Variants in XKR7 observed in about 807,000 individuals in gnomAD.
XKR7 encodes XK-related protein 7.
A neutral mutation model predicts 42.2 loss-of-function variants in XKR7; 11 were observed. That is an observed-to-expected ratio of 0.26 (90% CI 0.16 to 0.43). XKR7 has a LOEUF of 0.43. Ranked by LOEUF, XKR7 falls within the 20% of genes least tolerant of loss-of-function variation. The pLI is 1.00. For synonymous variants in XKR7, 346 were observed against 366.4 expected, an observed-to-expected ratio of 0.94 and a Z score of 0.64; for missense variants, 710 against 802.2, an observed-to-expected ratio of 0.89 and a Z score of 1.39.
At chr20:31,991,091 G>A (rs1423348584) in intron 1 of XKR7, among the ~76,000 whole-genome samples, 2 of 152,220 alleles carry the variant, frequency 1.3e-5, no homozygotes, top group Admixed American at 1.3e-4. Flanking sequence ...GCAGAGGAGG[G>A]GGCAGGAGTG....
At chr20:31,979,171 C>T (rs537869353) in intron 1 of XKR7, among the ~76,000 whole-genome samples, 39 of 151,834 alleles carry the variant, frequency 2.6e-4, no homozygotes, top group Non-Finnish European at 4.7e-4. Context: ...TGTAATACTG[C>T]TATCACACCT....
chr20:31,974,085 C>T (rs536670004), intron 1 of XKR7, among the ~76,000 whole-genome samples: 24 of 152,148 alleles, frequency 1.6e-4, no homozygotes, highest in Admixed American at 4.6e-4. Flanking sequence ...CCCAGCTACT[C>T]GGGAGGCGGA....
At position 31,995,077 on chromosome 20, in the gene XKR7, C is replaced by G; in HGVS notation, c.594C>G (p.Arg198=). Residue 198 remains arginine, a synonymous_variant, in exon 2 of 3, where the codon CGC becomes CGG. Coordinates refer to ENST00000562532, the MANE Select transcript of XKR7 (RefSeq NM_001011718.2). The surrounding 1 kb of genome is among the most constrained non-coding windows in gnomAD (Gnocchi z 4.1). ...LQLGQVWRYL[R]ALYLGLQSRW... ...CGCGTCCTTCCCGCAGGTACCTGCGCGCCCTGTACCTGGGGCTGCAGAGCC... is the reference window on the plus strand; with the variant it reads ...CGCGTCCTTCCCGCAGGTACCTGCGGGCCCTGTACCTGGGGCTGCAGAGCC... The G allele has an allele frequency of 6.5e-7, 1 of 1,546,080 alleles. No individual in the cohort carries two copies. The highest frequency in any genetic ancestry group is 1.2e-5 in the South Asian group (1 of 83,738).
Position 31,968,274 on chromosome 20 carries a change from G to T in XKR7, c.99G>T (p.Ala33=), listed in dbSNP as rs1209684310. 11 of 1,168,500 alleles carry T rather than the reference G, an allele frequency of 9.4e-6. No homozygotes were observed. The African/African-American group carries it at 1.3e-4, about 14-fold the overall frequency. The allele number at this position is 1,168,500 out of a possible 1,614,324, so 72.4% of individuals were successfully genotyped here. A position where few individuals can be genotyped will look rare whatever the true frequency, so the allele number is the denominator to read the frequency against. The change falls in exon 1 of 3, where the codon GCG becomes GCT. Residue 33 remains alanine, a synonymous_variant. Transcript: ENST00000562532. The surrounding 1 kb of genome is among the most constrained non-coding windows in gnomAD (Gnocchi z 4.5). ...GCAGTGCCGGCGGGCGCGGGGAGGC[G>T]GCGGCGGCGGCCGGGCCCCCGGGGG... ...ARGSAGGRGE[A]AAAAGPPGVV...
chr20:31,977,173 T>G (rs1015887993), intron 1 of XKR7, among the ~76,000 whole-genome samples: 1 of 152,224 alleles, frequency 6.6e-6, no homozygotes, highest in South Asian at 2.1e-4. Context: ...CCCAGAATGA[T>G]ACAGTTGTGG....
Position 32,003,354 on chromosome 20 carries a change from G to A in XKR7, c.*5897G>A, listed in dbSNP as rs985044529. The A allele has an allele frequency of 2.6e-5, 4 of 152,120 alleles. No homozygotes were observed. The highest frequency in any genetic ancestry group is 7.2e-5 in the African/African-American group (3 of 41,416). 9.4% of individuals were successfully genotyped at this position (152,120 alleles called of 1,614,324 possible). On this transcript the variant is annotated 3_prime_UTR_variant, in exon 3 of 3. Transcript: ENST00000562532. ...TTTTGTATATTTTTAATTTTGCTGCGACATGAGATATTAAAAGTCATTTCA... is the reference window on the plus strand; with the variant it reads ...TTTTGTATATTTTTAATTTTGCTGCAACATGAGATATTAAAAGTCATTTCA...
At chr20:31,984,554 A>G (rs2064528551) in intron 1 of XKR7, among the ~76,000 whole-genome samples, 1 of 152,214 alleles carries the variant, frequency 6.6e-6, no homozygotes, top group Non-Finnish European at 1.5e-5. Flanking sequence ...GCTTGGGCCC[A>G]TTTTATAGAA....
rs2064603148 is a variant in XKR7, at chr20:31,997,835, C to A, written c.*378C>A. The A allele has an allele frequency of 8.7e-6, 2 of 230,074 alleles. No homozygotes were observed. Among genetic ancestry groups the A allele is most frequent in the South Asian group, 1.7e-4 (2 of 11,860 alleles). 14.3% of individuals were successfully genotyped at this position (230,074 alleles called of 1,614,324 possible). ...ACTGTCTGGGGTCCATGACCTAGAC[C>A]CTGTGCTCCTCAGGGGTTGTGGAGA... On this transcript the variant is annotated 3_prime_UTR_variant, in exon 3 of 3. Coordinates refer to ENST00000562532, the MANE Select transcript of XKR7 (RefSeq NM_001011718.2).
At position 31,977,844 on chromosome 20, in the gene XKR7, C is replaced by T. The variant is rs529208006; in HGVS notation, c.584+9085C>T. 2.6e-5 allele frequency among the ~76,000 whole-genome samples: 4 copies of T among 152,212 alleles called. No individual in the cohort carries two copies. The South Asian group carries it at 8.3e-4, about 32-fold the overall frequency. On this transcript the variant is annotated intron_variant, in intron 1 of 2. Transcript: ENST00000562532. Reference sequence around the variant, plus strand: ...GTTCCCGAGGGTGTGAACTCCACATCAGCAGAGGTGTCCAGATGGAAGTGG... The same window carrying T: ...GTTCCCGAGGGTGTGAACTCCACATTAGCAGAGGTGTCCAGATGGAAGTGG...
chr20:31,991,444 C>T (rs1475405994), intron 1 of XKR7, among the ~76,000 whole-genome samples: 1 of 152,118 alleles, frequency 6.6e-6, no homozygotes, highest in East Asian at 1.9e-4. Flanking sequence ...TCTCTCTGCC[C>T]TTCCTGTATC....
At chr20:31,992,823 G>A (rs2064575546) in intron 1 of XKR7, among the ~76,000 whole-genome samples, 1 of 152,066 alleles carries the variant, frequency 6.6e-6, no homozygotes, top group Non-Finnish European at 1.5e-5. Context: ...CCTTTCATTG[G>A]CAGATGGAGA....
chr20:31,978,289 T>G (rs181528154), intron 1 of XKR7, among the ~76,000 whole-genome samples: 1 of 152,282 alleles, frequency 6.6e-6, no homozygotes, highest in East Asian at 1.9e-4. Context: ...GACAATTTTT[T>G]TGTAGGGGCA....
Position 31,968,807 on chromosome 20 carries a change from G to A in XKR7, c.584+48G>A, listed in dbSNP as rs371155820. The A allele has an allele frequency of 2.8e-6, 4 of 1,449,876 alleles. No individual in the cohort carries two copies. In the African/African-American group the frequency reaches 5.7e-5, roughly 21 times the overall value. 89.8% of individuals were successfully genotyped at this position (1,449,876 alleles called of 1,614,324 possible). On this transcript the variant is annotated intron_variant, in intron 1 of 2. Coordinates refer to ENST00000562532, the MANE Select transcript of XKR7 (RefSeq NM_001011718.2). This position sits in a 1 kb window ranked among gnomAD's most constrained non-coding sequence, Gnocchi z 4.5. ...GACCTGAGCCCGAGGAGTGGGGGTG[G>A]CGAAGGGCTACCTGACGTCCCAGCC...
intron 1 of XKR7, among the ~76,000 whole-genome samples, chr20:31,988,863 A>G (rs1343120670): frequency 6.6e-6 from 1 of 152,160 alleles, no homozygotes; most frequent in Non-Finnish European, 1.5e-5. Context: ...CTTCAAGCAG[A>G]GAAACCCCAG....
At chr20:31,973,896 G>A (rs2064474622) in intron 1 of XKR7, among the ~76,000 whole-genome samples, 1 of 152,130 alleles carries the variant, frequency 6.6e-6, no homozygotes, top group African/African-American at 2.4e-5. Flanking sequence ...GCTGCTGGGT[G>A]GGGAATAGAC....
rs943495592 is a variant in XKR7 at position 31,968,181 on chromosome 20, C to G, written c.6C>G (p.Ala2=). M[A]AKSDGAAASA... ...CCGCCTCCCTCTCCGCCAACATGGC[C>G]GCGAAGTCGGATGGAGCGGCGGCCT... Residue 2 remains alanine, a synonymous_variant, in exon 1 of 3, where the codon GCC becomes GCG. Coordinates refer to ENST00000562532, the MANE Select transcript of XKR7 (RefSeq NM_001011718.2). The surrounding 1 kb of genome is among the most constrained non-coding windows in gnomAD (Gnocchi z 4.5). 35 of 1,173,868 alleles carry G rather than the reference C, an allele frequency of 3.0e-5. No homozygotes were observed. The highest frequency in any genetic ancestry group is 3.7e-5 in the Non-Finnish European group (35 of 950,162). The allele number at this position is 1,173,868 out of a possible 1,614,324, so 72.7% of individuals were successfully genotyped here.
Position 32,002,186 on chromosome 20 carries a change from G to T in XKR7, c.*4729G>T, listed in dbSNP as rs1245958177. 6.6e-6 allele frequency: 1 copy of T among 152,208 alleles called. No individual in the cohort carries two copies. Among genetic ancestry groups the T allele is most frequent in the African/African-American group, 2.4e-5 (1 of 41,422 alleles). The allele number at this position is 152,208 out of a possible 1,614,324, so 9.4% of individuals were successfully genotyped here. ...GAGACAGAAAACTCCCCAGGGGACA[G>T]AGAGGTTACCCCCTTGTGCTTAGCT... On this transcript the variant is annotated 3_prime_UTR_variant, in exon 3 of 3. Transcript: ENST00000562532.
At chr20:31,988,125 T>G (rs1568887675) in intron 1 of XKR7, among the ~76,000 whole-genome samples, 1 of 152,276 alleles carries the variant, frequency 6.6e-6, no homozygotes, top group East Asian at 1.9e-4. Context: ...TGGACTGAGG[T>G]GCAGGCCAGA....
intron 1 of XKR7, among the ~76,000 whole-genome samples, chr20:31,969,216 C>T (rs1291656557): frequency 6.6e-6 from 1 of 152,234 alleles, no homozygotes; most frequent in African/African-American, 2.4e-5. Flanking sequence ...AGCTCATTCA[C>T]AACCTGCAAG....
Sources: allele counts gnomAD v4.1 joint callset (sites outside exome capture counted in the v4.1 genomes callset), GRCh38; gene constraint gnomAD v4.1.1; non-coding constraint Gnocchi (gnomAD v3.1); transcripts MANE v1.5; gene names NCBI Gene and HGNC (gene_info 2026-07-23, HGNC 2026-07-21).